Variants in ANKRD12 observed in about 807,000 individuals in gnomAD.
The protein encoded by ANKRD12 is ankyrin repeat domain-containing protein 12.
ANKRD12 carries 85 observed loss-of-function variants against 183.4 expected under a neutral mutation model. The ratio of observed to expected loss-of-function variants is 0.46; its 90% CI spans 0.39 to 0.56. The LOEUF is 0.56. ANKRD12 is among the 20% of genes least tolerant of loss of function. ANKRD12 has a pLI of 0.00. For missense variants in ANKRD12, 2,405 were observed against 2,357.1 expected (o/e 1.02, Z -0.42); for synonymous variants, 914 against 800.2 (o/e 1.14, Z -2.40).
intron 4 of ANKRD12, among the ~76,000 whole-genome samples, chr18:9,208,224 A>G (rs891222844): frequency 6.6e-6 from 1 of 152,208 alleles, no homozygotes; most frequent in Non-Finnish European, 1.5e-5. Flanking sequence ...AAGTTTGTAT[A>G]AATCATTGCT....
At chr18:9,267,014 CAAAG>C (rs917920608) in intron 10 of ANKRD12, among the ~76,000 whole-genome samples, 7 of 151,918 alleles carry the variant, frequency 4.6e-5, no homozygotes, top group East Asian at 1.9e-4. Flanking sequence ...TCAAAAGAGA[CAAAG>C]AAGGCCATTA....
intron 11 of ANKRD12, among the ~76,000 whole-genome samples, chr18:9,278,621 A>C (rs895693285): frequency 3.3e-5 from 5 of 152,164 alleles, no homozygotes; most frequent in African/African-American, 7.2e-5. Flanking sequence ...ATATGGTGAA[A>C]CCACATCTCT....
At chr18:9,230,003 C>T (rs898991110) in intron 8 of ANKRD12, among the ~76,000 whole-genome samples, 17 of 152,028 alleles carry the variant, frequency 1.1e-4, no homozygotes, top group African/African-American at 3.9e-4. Flanking sequence ...GGGAGAATCC[C>T]CTCCTCTTCA....
chr18:9,260,598 G>C (rs2038910299), intron 9 of ANKRD12, among the ~76,000 whole-genome samples: 1 of 152,192 alleles, frequency 6.6e-6, no homozygotes, highest in African/African-American at 2.4e-5. Context: ...GGGGTTCCAA[G>C]AGTGGGTGAT....
chr18:9,208,046 A>G (rs116436457), intron 4 of ANKRD12, among the ~76,000 whole-genome samples: 1,574 of 152,316 alleles, frequency 0.01, 21 homozygotes, highest in African/African-American at 0.036. Context: ...GGATCTTTGC[A>G]AGATCTGTTA....
intron 1 of ANKRD12, among the ~76,000 whole-genome samples, chr18:9,151,133 A>T (rs1173563141): frequency 6.6e-6 from 1 of 152,228 alleles, no homozygotes; most frequent in South Asian, 2.1e-4. Flanking sequence ...TTCTCACTTG[A>T]ATGGCTTAAA....
intron 3 of ANKRD12, among the ~76,000 whole-genome samples, chr18:9,202,129 T>C (rs1262347642): frequency 6.6e-6 from 1 of 152,156 alleles, no homozygotes; most frequent in Non-Finnish European, 1.5e-5. Flanking sequence ...CCCAGCCTTT[T>C]TTGGCATTTT....
At chr18:9,187,356 C>G (rs2034154769) in intron 2 of ANKRD12, among the ~76,000 whole-genome samples, 1 of 152,136 alleles carries the variant, frequency 6.6e-6, no homozygotes, top group African/African-American at 2.4e-5. Context: ...GTGAGCTATG[C>G]TTGTGCCACT....
At chr18:9,152,885 G>C (rs1410729108) in intron 1 of ANKRD12, among the ~76,000 whole-genome samples, 1 of 152,070 alleles carries the variant, frequency 6.6e-6, no homozygotes, top group Non-Finnish European at 1.5e-5. Flanking sequence ...CTTGTTGATT[G>C]ATAGGGGTAT....
At chr18:9,154,411 C>CAATA (rs1348194344) in intron 1 of ANKRD12, among the ~76,000 whole-genome samples, 1 of 152,112 alleles carries the variant, frequency 6.6e-6, no homozygotes, top group African/African-American at 2.4e-5. Flanking sequence ...GATCCTGTCT[C>CAATA]AATAAATGAA....
chr18:9,270,593 T>C (rs1038920046), intron 10 of ANKRD12, among the ~76,000 whole-genome samples: 1 of 151,946 alleles, frequency 6.6e-6, no homozygotes, highest in African/African-American at 2.4e-5. Context: ...GGAAGGGGAA[T>C]GTCACACACC....
intron 10 of ANKRD12, among the ~76,000 whole-genome samples, chr18:9,268,193 G>T (rs945839809): frequency 1.3e-5 from 2 of 152,066 alleles, no homozygotes; most frequent in Non-Finnish European, 2.9e-5. Context: ...AGAGGTACAA[G>T]GAGGAGCTGG....
At position 9,255,739 on chromosome 18, in the gene ANKRD12, G is replaced by A. The variant is rs1457166976; in HGVS notation, c.2472G>A (p.Lys824=). 2.0e-5 allele frequency: 32 copies of A among 1,588,198 alleles called. No homozygotes were observed. The highest frequency in any genetic ancestry group is 2.7e-5 in the Non-Finnish European group (32 of 1,173,380). ...HIKESKEKPE[K]RSQIKEKDIE... is the part of the protein sequence containing the mutation. ...AGGAAAGTAAAGAAAAACCTGAGAA[G>A]CGATCTCAAATTAAAGAAAAGGACA... Residue 824 remains lysine (K), a synonymous_variant, in exon 9 of 13, where the codon AAG becomes AAA. Coordinates refer to ENST00000262126, the MANE Select transcript of ANKRD12 (RefSeq NM_015208.5).
intron 8 of ANKRD12, among the ~76,000 whole-genome samples, chr18:9,248,665 A>G (rs1017827653): frequency 6.6e-6 from 1 of 152,260 alleles, no homozygotes; most frequent in Non-Finnish European, 1.5e-5. Flanking sequence ...CATTGTATAA[A>G]ATAAGAAATT....
chr18:9,204,238 T>C (rs942233405), intron 3 of ANKRD12, among the ~76,000 whole-genome samples: 1 of 152,252 alleles, frequency 6.6e-6, no homozygotes, highest in Non-Finnish European at 1.5e-5. Context: ...ATACCTGTTA[T>C]TGAAACTGCA....
At chr18:9,175,523 CT>C (rs33944736) in intron 1 of ANKRD12, among the ~76,000 whole-genome samples, 5,046 of 52,080 alleles carry the variant, frequency 0.097, 11 homozygotes, top group East Asian at 0.11. Flanking sequence ...AAAGGCTCCT[CT>C]TTTTTTTTTT....
At position 9,255,670 on chromosome 18, in the gene ANKRD12, A is replaced by T; in HGVS notation, c.2403A>T (p.Leu801Phe). Residue 801 changes from leucine to phenylalanine, a missense_variant, in exon 9 of 13, where the codon TTA (leucine) becomes TTT (phenylalanine). Leu to Phe is a conservative substitution (Grantham distance 22, BLOSUM62 0). Transcript: ENST00000262126. ...SAIEESIGLH[L>F]VEKEIDIEKQ... ...TTGAGGAATCTATAGGGCTTCATTT[A>T]GTGGAAAAGGAAATAGACATTGAAA... 1 of 1,589,742 alleles carries T rather than the reference A, an allele frequency of 6.3e-7. No individual in the cohort carries two copies. The highest frequency in any genetic ancestry group is 1.2e-5 in the South Asian group (1 of 84,742).
chr18:9,144,828 C>T (rs1412369012), intron 1 of ANKRD12, among the ~76,000 whole-genome samples: 1 of 151,660 alleles, frequency 6.6e-6, no homozygotes, highest in Non-Finnish European at 1.5e-5. Context: ...AATTTAGAAA[C>T]TTTAGGGGAA....
intron 10 of ANKRD12, among the ~76,000 whole-genome samples, chr18:9,270,165 G>A (rs1289785797): frequency 1.3e-5 from 2 of 152,280 alleles, no homozygotes; most frequent in South Asian, 2.1e-4. Context: ...ACTGTTGGTG[G>A]GACTGTAAAC....
Sources: gnomAD v4.1 joint callset for allele counts (sites outside exome capture counted in the v4.1 genomes callset) on GRCh38, gnomAD v4.1.1 for gene constraint, MANE v1.5 for transcripts, NCBI Gene and HGNC (gene_info 2026-07-23, HGNC 2026-07-21) for gene names.